DPP6: variants seen among roughly 807,000 people sequenced by gnomAD.
The protein encoded by DPP6 is dipeptidyl peptidase like 6.
A neutral mutation model predicts 122.6 loss-of-function variants in DPP6; 69 were observed. The ratio of observed to expected loss-of-function variants is 0.56; its 90% CI spans 0.46 to 0.69. The LOEUF (loss-of-function observed/expected upper bound fraction) is 0.69. Ranked by LOEUF, DPP6 falls within the 30% of genes least tolerant of loss-of-function variation. DPP6 has a pLI of 0.00. For synonymous variants in DPP6, 418 were observed against 433.1 expected, an observed-to-expected ratio of 0.97 and a Z score of 0.43; for missense variants, 928 against 1,116.9, an observed-to-expected ratio of 0.83 and a Z score of 2.41.
intron 16 of DPP6, among the ~76,000 whole-genome samples, chr7:154,836,930 C>A (rs1277978202): frequency 6.6e-6 from 1 of 152,210 alleles, no homozygotes; most frequent in African/African-American, 2.4e-5. Flanking sequence ...TGGTCTCGAA[C>A]TCCTGACCTC....
intron 3 of DPP6, among the ~76,000 whole-genome samples, chr7:154,514,604 C>T (rs1826344564): frequency 6.6e-6 from 1 of 152,162 alleles, no homozygotes; most frequent in Non-Finnish European, 1.5e-5. Context: ...AATTTGACTA[C>T]CCTGGGGACC....
At chr7:154,019,580 T>A (rs1798602229) in intron 1 of DPP6, among the ~76,000 whole-genome samples, 1 of 152,164 alleles carries the variant, frequency 6.6e-6, no homozygotes, top group Non-Finnish European at 1.5e-5. Context: ...TCATTCTTTC[T>A]CCAGAGATGT....
intron 1 of DPP6, among the ~76,000 whole-genome samples, chr7:154,339,156 A>C (rs1261949106): frequency 1.3e-5 from 2 of 152,204 alleles, no homozygotes; most frequent in African/African-American, 4.8e-5. Context: ...GACTGTAGGA[A>C]AATGTGGTTT....
At chr7:154,045,211 A>G (rs1289211897) in intron 1 of DPP6, among the ~76,000 whole-genome samples, 1 of 151,542 alleles carries the variant, frequency 6.6e-6, no homozygotes, top group African/African-American at 2.4e-5. Flanking sequence ...TAAAAAAAAA[A>G]AAAACACTCC....
chr7:154,252,565 G>A (rs1031860387), intron 1 of DPP6, among the ~76,000 whole-genome samples: 1 of 152,182 alleles, frequency 6.6e-6, no homozygotes, highest in African/African-American at 2.4e-5. Flanking sequence ...CACTGCCTCT[G>A]GGAATAGCAT....
At chr7:154,504,188 A>G (rs578137501) in intron 3 of DPP6, among the ~76,000 whole-genome samples, 2 of 139,926 alleles carry the variant, frequency 1.4e-5, no homozygotes, top group African/African-American at 5.2e-5. Context: ...TTTAAATTGC[A>G]ATAACAGGTG....
chr7:154,448,797 A>G (rs1446486513), intron 2 of DPP6, among the ~76,000 whole-genome samples: 2 of 152,194 alleles, frequency 1.3e-5, no homozygotes, highest in Non-Finnish European at 2.9e-5. Context: ...TTGACAAGGG[A>G]GTCAAGACCA....
intron 1 of DPP6, among the ~76,000 whole-genome samples, chr7:153,928,371 C>T (rs1440072032): frequency 8.7e-6 from 1 of 114,808 alleles, no homozygotes; most frequent in African/African-American, 3.2e-5. Flanking sequence ...ACCACCATAC[C>T]TGGCTAATTT....
At chr7:154,242,918 T>C (rs1801721829) in intron 1 of DPP6, among the ~76,000 whole-genome samples, 1 of 152,224 alleles carries the variant, frequency 6.6e-6, no homozygotes, top group Admixed American at 6.5e-5. Context: ...CACCAGGAGA[T>C]GCTGGAGCTC....
chr7:154,392,802 G>A (rs1814733736), intron 1 of DPP6, among the ~76,000 whole-genome samples: 1 of 152,214 alleles, frequency 6.6e-6, no homozygotes, highest in African/African-American at 2.4e-5. Context: ...TAGGGAAGAA[G>A]GAATGGCAGG....
chr7:153,782,258 G>C, the DPP6 span, among the ~76,000 whole-genome samples: 1 of 151,884 alleles, frequency 6.6e-6, no homozygotes, highest in Non-Finnish European at 1.5e-5. Flanking sequence ...TATGGTTTAG[G>C]CATAGCCCAA....
At chr7:153,863,217 CAAT>C in the DPP6 span, among the ~76,000 whole-genome samples, 2 of 152,156 alleles carry the variant, frequency 1.3e-5, no homozygotes, top group African/African-American at 4.8e-5. Context: ...TAAGCACTGA[CAAT>C]GATGGTTTCC....
chr7:154,278,204 C>T (rs1351839254), intron 1 of DPP6, among the ~76,000 whole-genome samples: 11 of 152,120 alleles, frequency 7.2e-5, no homozygotes, highest in Admixed American at 6.5e-4. Context: ...AGAGGAGTCC[C>T]GACTCCATGC....
rs1168054817 is a variant in DPP6, at chr7:154,089,818, T to G, written c.243+36755T>G. Among the ~76,000 whole-genome samples the G allele has an allele frequency of 1.3e-4, 19 of 151,930 alleles. 1 individual carries two copies. The highest frequency in any genetic ancestry group is 1.2e-3 in the Admixed American group (19 of 15,242). On this transcript the variant is annotated intron_variant, in intron 1 of 25. Coordinates refer to ENST00000377770, the MANE Select transcript of DPP6 (RefSeq NM_130797.4). Reference sequence around the variant, plus strand: ...ATAAATTAGTTACAGAGCGAGACTTTAATCATTATCAGTAGCAGATTTCAC... The same window carrying G: ...ATAAATTAGTTACAGAGCGAGACTTGAATCATTATCAGTAGCAGATTTCAC...
intron 5 of DPP6, among the ~76,000 whole-genome samples, chr7:154,614,052 T>C (rs1452859330): frequency 6.6e-6 from 1 of 152,250 alleles, no homozygotes; most frequent in Non-Finnish European, 1.5e-5. Flanking sequence ...GGCCAGCCTC[T>C]GTGCCTCCAC....
At chr7:154,397,542 G>A (rs1284249407) in intron 1 of DPP6, among the ~76,000 whole-genome samples, 2 of 152,166 alleles carry the variant, frequency 1.3e-5, no homozygotes, top group Non-Finnish European at 2.9e-5. Context: ...TGTTGTGTGT[G>A]ACATGATTTC....
At chr7:153,930,684 C>T (rs1242007226) in intron 1 of DPP6, among the ~76,000 whole-genome samples, 2 of 152,174 alleles carry the variant, frequency 1.3e-5, no homozygotes, top group Admixed American at 6.5e-5. Context: ...GAGTGGTTCA[C>T]CTGCTGGCTC....
At chr7:154,058,731 G>A (rs1396811734) in intron 1 of DPP6, 1 of 149,650 alleles carries the variant, frequency 6.7e-6, no homozygotes. Flanking sequence ...CCTTACGTGG[G>A]ATTACTGAGA....
Position 154,801,351 on chromosome 7 carries a change from A to G in DPP6, c.1300-4A>G, listed in dbSNP as rs1798353929. 6.3e-7 allele frequency: 1 copy of G among 1,579,364 alleles called. No homozygotes were observed. The highest frequency in any genetic ancestry group is 1.8e-5 in the Admixed American group (1 of 55,354). On this transcript the variant is annotated splice_polypyrimidine_tract_variant and splice_region_variant and intron_variant, in intron 12 of 25. Coordinates refer to ENST00000377770, the MANE Select transcript of DPP6 (RefSeq NM_130797.4). ...GTGGTTTCATCCGTGGCCTTTGTCCACAGAATGAAGAACCTGTGTTCTCCA... is the reference window on the plus strand; with the variant it reads ...GTGGTTTCATCCGTGGCCTTTGTCCGCAGAATGAAGAACCTGTGTTCTCCA...
Sources: allele counts gnomAD v4.1 joint callset (sites outside exome capture counted in the v4.1 genomes callset), GRCh38; gene constraint gnomAD v4.1.1; transcripts MANE v1.5; gene names NCBI Gene and HGNC (gene_info 2026-07-23, HGNC 2026-07-21).